SDC2: variants seen among roughly 807,000 people sequenced by gnomAD.
The protein encoded by SDC2 is syndecan 2.
Under a neutral mutation model 22.2 loss-of-function variants are expected in SDC2, and 13 were observed. That is an observed-to-expected ratio of 0.59 (90% confidence interval 0.38 to 0.93). The LOEUF (loss-of-function observed/expected upper bound fraction) is 0.93. SDC2 is among the 40% of genes least tolerant of loss of function. SDC2 has a pLI of 0.00. For missense variants in SDC2, 235 were observed against 246.8 expected (o/e 0.95, Z 0.32); for synonymous variants, 94 against 92.8 (o/e 1.01, Z -0.07).
chr8:96,523,980 A>G (rs1299685585), intron 1 of SDC2, among the ~76,000 whole-genome samples: 1 of 152,188 alleles, frequency 6.6e-6, no homozygotes, highest in African/African-American at 2.4e-5. Flanking sequence ...TTCTTTCAAA[A>G]AAGAAGTCCA....
intron 1 of SDC2, among the ~76,000 whole-genome samples, chr8:96,581,465 A>G (rs1057479925): frequency 6.6e-6 from 1 of 152,116 alleles, no homozygotes; most frequent in Admixed American, 6.6e-5. Context: ...CCCCGTCTCT[A>G]CTAAAAATAC....
At chr8:96,533,224 T>C (rs1411552363) in intron 1 of SDC2, among the ~76,000 whole-genome samples, 1 of 152,036 alleles carries the variant, frequency 6.6e-6, no homozygotes, top group Non-Finnish European at 1.5e-5. Context: ...GCTTCCACAG[T>C]GTGGAAGGGG....
At chr8:96,530,423 C>G (rs776247980) in intron 1 of SDC2, among the ~76,000 whole-genome samples, 5 of 152,202 alleles carry the variant, frequency 3.3e-5, no homozygotes, top group Non-Finnish European at 4.4e-5. Flanking sequence ...CACCTGAGAT[C>G]AGGAGTTCGA....
At position 96,576,374 on chromosome 8, in the gene SDC2, G is replaced by GTTTTTTTTTTTTTTTTTT. The variant is rs1225034584; in HGVS notation, c.61-17102_61-17101insTTTTTTTTTTTTTTTTTT. ...GTTCAATAATTGGTAGTTTGTTTTT[G>GTTTTTTTTTTTTTTTTTT]TTTTGTTTTGTTTTTTTTTACCAGA... On this transcript the variant is annotated intron_variant, in intron 1 of 4. Coordinates refer to ENST00000302190, the MANE Select transcript of SDC2 (RefSeq NM_002998.4). Among the ~76,000 whole-genome samples the GTTTTTTTTTTTTTTTTTT allele has an allele frequency of 1.3e-3, 53 of 40,588 alleles. 5 individuals carry two copies. Among genetic ancestry groups the GTTTTTTTTTTTTTTTTTT allele is most frequent in the Non-Finnish European group, 2.0e-3 (41 of 20,800 alleles). The allele number at this position is 40,588 out of a possible 152,430, so 26.6% of individuals were successfully genotyped here. A position where few individuals can be genotyped will look rare whatever the true frequency, so the allele number is the denominator to read the frequency against.
At chr8:96,569,786 G>T (rs1004974696) in intron 1 of SDC2, among the ~76,000 whole-genome samples, 2 of 152,102 alleles carry the variant, frequency 1.3e-5, no homozygotes, top group African/African-American at 2.4e-5. Context: ...CTTCTCAAAG[G>T]TCGTTCACTT....
intron 1 of SDC2, among the ~76,000 whole-genome samples, chr8:96,556,053 C>CAT (rs67619903): frequency 0.018 from 2,360 of 134,664 alleles, 49 homozygotes; most frequent in African/African-American, 0.059. Flanking sequence ...CACACACACA[C>CAT]ACATACACAC....
At chr8:96,599,126 A>G (rs1418760515) in intron 2 of SDC2, among the ~76,000 whole-genome samples, 2 of 151,848 alleles carry the variant, frequency 1.3e-5, no homozygotes, top group Non-Finnish European at 2.9e-5. Context: ...TATTTTTAGT[A>G]GGGATGGGGT....
rs1815170744 is a variant in SDC2 at position 96,611,252 on chromosome 8, A to G, written c.*1704A>G. ...GGGTACTGTGGCTGGTACTTTCTGTACTAAACATTTCCTTTTTCTATTTTA... is the reference window on the plus strand; with the variant it reads ...GGGTACTGTGGCTGGTACTTTCTGTGCTAAACATTTCCTTTTTCTATTTTA... On this transcript the variant is annotated 3_prime_UTR_variant, in exon 5 of 5. Coordinates refer to ENST00000302190, the MANE Select transcript of SDC2 (RefSeq NM_002998.4). 2 of 152,300 alleles carry G rather than the reference A, an allele frequency of 1.3e-5. No homozygotes were observed. The highest frequency in any genetic ancestry group is 2.9e-5 in the Non-Finnish European group (2 of 68,016). The allele number at this position is 152,300 out of a possible 1,614,324, so 9.4% of individuals were successfully genotyped here.
chr8:96,500,477 C>A (rs1813143647), intron 1 of SDC2, among the ~76,000 whole-genome samples: 2 of 151,972 alleles, frequency 1.3e-5, no homozygotes, highest in South Asian at 4.1e-4. Flanking sequence ...GCCTGGCCAA[C>A]ATGGTGAAAC....
At chr8:96,557,758 T>C (rs1226557853) in intron 1 of SDC2, among the ~76,000 whole-genome samples, 1 of 152,092 alleles carries the variant, frequency 6.6e-6, no homozygotes, top group African/African-American at 2.4e-5. Context: ...ACATGGACCC[T>C]AAAACTTAAA....
At chr8:96,602,339 T>C in intron 2 of SDC2, 56 bp from the exon 3 acceptor site, 1 of 1,574,178 alleles carries the variant, frequency 6.4e-7, no homozygotes, top group Non-Finnish European at 8.7e-7. Context: ...TGCCTGATAA[T>C]GGAGACATCT....
chr8:96,494,328 G>A lies in SDC2; in HGVS notation c.57G>A (p.Glu19=), dbSNP rs1397886541. ...TLGLVACVSA[E]SRAELTSDKD... Reference sequence around the variant, plus strand: ...GCTTGGTGGCCTGCGTGTCGGCGGAGTCGGTGAGTGGGCCAGGCGGAGGAT... The same window carrying A: ...GCTTGGTGGCCTGCGTGTCGGCGGAATCGGTGAGTGGGCCAGGCGGAGGAT... Residue 19 remains glutamate (E), a synonymous_variant, in exon 1 of 5, where the codon GAG becomes GAA. Coordinates refer to ENST00000302190, the MANE Select transcript of SDC2 (RefSeq NM_002998.4). 5 of 1,542,460 alleles carry A rather than the reference G, an allele frequency of 3.2e-6. No homozygotes were observed. The South Asian group carries it at 6.0e-5, about 18-fold the overall frequency.
intron 1 of SDC2, among the ~76,000 whole-genome samples, chr8:96,563,424 A>C (rs1237285006): frequency 1.3e-5 from 2 of 152,194 alleles, no homozygotes; most frequent in African/African-American, 2.4e-5. Context: ...AACTAAGCTG[A>C]GTGCTCTCCC....
intron 1 of SDC2, among the ~76,000 whole-genome samples, chr8:96,565,312 C>T (rs753747864): frequency 6.6e-6 from 1 of 151,496 alleles, no homozygotes; most frequent in Non-Finnish European, 1.5e-5. Context: ...GTCTCGATCT[C>T]CTGACCTCGT....
At chr8:96,577,886 T>C (rs1586310666) in intron 1 of SDC2, among the ~76,000 whole-genome samples, 1 of 152,358 alleles carries the variant, frequency 6.6e-6, no homozygotes, top group Non-Finnish European at 1.5e-5. Flanking sequence ...GCCTTTTAAG[T>C]TCCTTCATGT....
chr8:96,586,896 A>C (rs184620499), intron 1 of SDC2, among the ~76,000 whole-genome samples: 204 of 152,280 alleles, frequency 1.3e-3, no homozygotes, highest in Middle Eastern at 3.4e-3. Context: ...AGATGTTTGA[A>C]GCAGTTTGGA....
At chr8:96,511,078 C>G (rs1813320146) in intron 1 of SDC2, among the ~76,000 whole-genome samples, 1 of 152,124 alleles carries the variant, frequency 6.6e-6, no homozygotes, top group African/African-American at 2.4e-5. Context: ...TCTCTGCAGA[C>G]TAAGCAATCA....
intron 1 of SDC2, among the ~76,000 whole-genome samples, chr8:96,526,889 A>G (rs958840278): frequency 2.0e-5 from 3 of 152,052 alleles, no homozygotes; most frequent in Non-Finnish European, 4.4e-5. Flanking sequence ...GGAGTTACGG[A>G]GGCTGGCCAC....
intron 1 of SDC2, among the ~76,000 whole-genome samples, chr8:96,498,501 C>T (rs1040012320): frequency 6.6e-6 from 1 of 151,510 alleles, no homozygotes; most frequent in Non-Finnish European, 1.5e-5. Context: ...GATGGAGTCT[C>T]ACTCTGTCAC....
Sources: allele counts gnomAD v4.1 joint callset (sites outside exome capture counted in the v4.1 genomes callset), GRCh38; gene constraint gnomAD v4.1.1; transcripts MANE v1.5; gene names NCBI Gene and HGNC (gene_info 2026-07-23, HGNC 2026-07-21).